ERLEC1: variants seen among roughly 807,000 people sequenced by gnomAD.
ERLEC1 encodes ER lectin.
In ERLEC1, 47 loss-of-function variants were observed where a neutral mutation model predicts 68.0. The ratio of observed to expected loss-of-function variants is 0.69; its 90% CI spans 0.55 to 0.88. The LOEUF (loss-of-function observed/expected upper bound fraction) is 0.88, where lower values mean the gene tolerates loss of function less well. Among genes scored for constraint, ERLEC1 ranks in the 40% least tolerant of loss-of-function variants. The pLI is 0.00. For synonymous variants in ERLEC1, 225 were observed against 203.2 expected (o/e 1.11, Z -0.91); for missense variants, 567 against 583.8 (o/e 0.97, Z 0.30).
At chr2:53,811,256 T>C (rs1318644521) in intron 10 of ERLEC1, among the ~76,000 whole-genome samples, 3 of 152,236 alleles carry the variant, frequency 2.0e-5, no homozygotes, top group East Asian at 1.9e-4. Flanking sequence ...TTAAGTTGTT[T>C]CCAGTTTTTG....
intron 13 of ERLEC1, 60 bp downstream of exon 13, chr2:53,814,995 CTTTTTTTTTTTTTTTTTTTTTG>C: frequency 2.1e-6 from 1 of 467,766 alleles, no homozygotes. Context: ...ATTTTTTTTT[CTTTTTTTTTTTTTTTTTTTTTG>C]TTTTTTTGAG....
At chr2:53,798,173 C>A (rs941345224) in intron 5 of ERLEC1, among the ~76,000 whole-genome samples, 1 of 152,228 alleles carries the variant, frequency 6.6e-6, no homozygotes, top group Non-Finnish European at 1.5e-5. Flanking sequence ...CCAGCCTGGG[C>A]AACAGAGTGA....
At chr2:53,805,256 C>G (rs1676226344) in intron 8 of ERLEC1, among the ~76,000 whole-genome samples, 1 of 152,092 alleles carries the variant, frequency 6.6e-6, no homozygotes, top group South Asian at 2.1e-4. Flanking sequence ...CTCCTGACCT[C>G]AGATGATCCA....
chr2:53,816,091 A>C (rs888322361), intron 13 of ERLEC1, among the ~76,000 whole-genome samples: 45 of 151,860 alleles, frequency 3.0e-4, no homozygotes, highest in African/African-American at 1.0e-3. Context: ...TTGCCTCCCA[A>C]AGTGCAGGGA....
In ERLEC1 at chr2:53,812,980, T is replaced by G; in HGVS notation, c.1133T>G (p.Val378Gly). Residue 378 changes from valine to glycine, a missense_variant, in exon 11 of 14, where the codon GTC (valine) becomes GGC (glycine). Coordinates refer to ENST00000185150, the MANE Select transcript of ERLEC1 (RefSeq NM_015701.5). ...DKDSGKTSVV[V>G]GTWNQEEHIE... The stretch of plus-strand genomic sequence containing the variant: ...GATAGTGGGAAAACCTCTGTGGTTG[T>G]CGGGACATGGAACCAAGAAGAGCAT... The G allele has an allele frequency of 6.2e-7, 1 of 1,613,400 alleles. No individual in the cohort carries two copies. Among genetic ancestry groups the G allele is most frequent in the Non-Finnish European group, 8.5e-7 (1 of 1,179,870 alleles).
intron 8 of ERLEC1, among the ~76,000 whole-genome samples, chr2:53,804,627 T>C (rs1242454592): frequency 2.0e-5 from 3 of 152,186 alleles, no homozygotes; most frequent in Admixed American, 6.5e-5. Context: ...AATCACATCT[T>C]GGAGAATGAG....
intron 5 of ERLEC1, among the ~76,000 whole-genome samples, chr2:53,798,187 T>G (rs994244830): frequency 2.6e-5 from 4 of 152,040 alleles, no homozygotes; most frequent in African/African-American, 9.7e-5. Context: ...AGAGTGAGAC[T>G]CCATTTCAAA....
chr2:53,797,647 A>T, intron 4 of ERLEC1, 55 bp downstream of exon 4: 1 of 1,568,802 alleles, frequency 6.4e-7, no homozygotes, highest in Non-Finnish European at 8.7e-7. Flanking sequence ...GAACTTTAAT[A>T]ATGAGATTGA....
In ERLEC1 at chr2:53,808,317, AAAG is replaced by A. The variant is rs778690222; in HGVS notation, c.903_905del (p.Glu302del). On this transcript the variant is annotated inframe_deletion, in exon 9 of 14. Transcript: ENST00000185150. The stretch of plus-strand genomic sequence containing the variant: ...ATTTTAGGAAGATTTGCAATCAACT[AAAG>A]AAGAGAGATTTCCAGCGATCCACAA... 112 of 1,613,848 alleles carry A rather than the reference AAAG, an allele frequency of 6.9e-5. No homozygotes were observed. Among genetic ancestry groups the A allele is most frequent in the Middle Eastern group, 1.6e-4 (1 of 6,084 alleles).
chr2:53,810,837 T>C (rs1354201790), intron 10 of ERLEC1, among the ~76,000 whole-genome samples: 1 of 152,228 alleles, frequency 6.6e-6, no homozygotes, highest in African/African-American at 2.4e-5. Context: ...CCTGCTACTT[T>C]GCAGATGTTT....
Position 53,794,422 on chromosome 2 carries a change from A to G in ERLEC1, c.240A>G (p.Ile80Met). 6.3e-7 allele frequency: 1 copy of G among 1,576,148 alleles called. No individual in the cohort carries two copies. The highest frequency in any genetic ancestry group is 8.7e-7 in the Non-Finnish European group (1 of 1,153,786). The stretch of plus-strand genomic sequence containing the variant: ...CACATAAAGAAAAATATAAATGCAT[A>G]CTTCCCCTTGTGACAAGTGGGGATG... ...TTAHKEKYKC[I>M]LPLVTSGDEE... The change falls in exon 2 of 14, where the codon ATA becomes ATG. Residue 80 changes from isoleucine to methionine, a missense_variant. Physicochemically the swap from Ile to Met is conservative, Grantham distance 10. Coordinates refer to ENST00000185150, the MANE Select transcript of ERLEC1 (RefSeq NM_015701.5).
rs1418822357 is a variant in ERLEC1, at chr2:53,801,563, C to T, written c.692C>T (p.Thr231Ile). Residue 231 changes from threonine to isoleucine, a missense_variant, in exon 7 of 14, where the codon ACT (threonine) becomes ATT (isoleucine). Coordinates refer to ENST00000185150, the MANE Select transcript of ERLEC1 (RefSeq NM_015701.5). Reference sequence around the variant, plus strand: ...ATTCTTTCAGTAGCTGAAGTTACAACTTGTGAATATGAAGTTGTCATTTTG... The same window carrying T: ...ATTCTTTCAGTAGCTGAAGTTACAATTTGTGAATATGAAGTTGTCATTTTG... ...HEILSVAEVT[T>I]CEYEVVILTP... 1.9e-6 allele frequency: 3 copies of T among 1,614,094 alleles called. No homozygotes were observed. Among genetic ancestry groups the T allele is most frequent in the South Asian group, 2.2e-5 (2 of 91,082 alleles).
intron 8 of ERLEC1, among the ~76,000 whole-genome samples, chr2:53,805,128 T>C (rs1421487321): frequency 6.6e-6 from 1 of 151,370 alleles, no homozygotes; most frequent in Non-Finnish European, 1.5e-5. Context: ...TTTCAAGTGA[T>C]TCTCCTGCCT....
At chr2:53,803,290 A>G (rs1467470841) in intron 8 of ERLEC1, among the ~76,000 whole-genome samples, 11 of 152,214 alleles carry the variant, frequency 7.2e-5, no homozygotes, top group Non-Finnish European at 1.6e-4. Flanking sequence ...AAATGTGATT[A>G]ATTCCACAGT....
At chr2:53,792,927 C>G (rs1311300095) in intron 1 of ERLEC1, among the ~76,000 whole-genome samples, 1 of 151,672 alleles carries the variant, frequency 6.6e-6, no homozygotes, top group Non-Finnish European at 1.5e-5. Context: ...GGAGGATCAC[C>G]TGAGTCCAGG....
At chr2:53,816,265 GTT>G (rs57918616) in intron 13 of ERLEC1, among the ~76,000 whole-genome samples, 20,063 of 121,722 alleles carry the variant, frequency 0.16, 1,703 homozygotes, top group African/African-American at 0.3. Flanking sequence ...GTTTTGGTTG[GTT>G]TTTTTTTTTT....
chr2:53,814,863 C>T lies in ERLEC1; in HGVS notation c.1308C>T (p.Cys436=), dbSNP rs1558608429. ...KPRQVTVKLK[C]KESDSPHAVT... ...CTTAAAGTGCTCTCTGTTTTAGGTG[C>T]AAAGAATCAGATTCACCTCATGCTG... The change falls in exon 13 of 14, where the codon TGC becomes TGT. Residue 436 remains cysteine (C), a synonymous_variant. Coordinates refer to ENST00000185150, the MANE Select transcript of ERLEC1 (RefSeq NM_015701.5). 6 of 1,605,014 alleles carry T rather than the reference C, an allele frequency of 3.7e-6. No homozygotes were observed. Among genetic ancestry groups the T allele is most frequent in the Non-Finnish European group, 5.1e-6 (6 of 1,173,478 alleles).
chr2:53,805,720 C>G (rs1315902074), intron 8 of ERLEC1, among the ~76,000 whole-genome samples: 1 of 152,152 alleles, frequency 6.6e-6, no homozygotes, highest in East Asian at 1.9e-4. Context: ...TGAGAAAGCT[C>G]CAGACTGTTC....
At position 53,808,441 on chromosome 2, in the gene ERLEC1, G is replaced by T; in HGVS notation, c.1022G>T (p.Gly341Val). The change falls in exon 9 of 14, where the codon GGT (glycine) becomes GTT (valine). Residue 341 changes from glycine to valine, a missense_variant. Transcript: ENST00000185150. ...CAACTCATAAAAGAGTTTCTTAGTG[G>T]TTCTTACTGCTTTCGTGGGGTGAGA... The part of the protein sequence containing the change: ...DDQLIKEFLS[G>V]SYCFRGGVGW... 1 of 1,613,596 alleles carries T rather than the reference G, an allele frequency of 6.2e-7. No individual in the cohort carries two copies. Among genetic ancestry groups the T allele is most frequent in the Non-Finnish European group, 8.5e-7 (1 of 1,179,942 alleles).
Sources: gnomAD v4.1 joint callset for allele counts (sites outside exome capture counted in the v4.1 genomes callset) on GRCh38, gnomAD v4.1.1 for gene constraint, MANE v1.5 for transcripts, NCBI Gene and HGNC (gene_info 2026-07-23, HGNC 2026-07-21) for gene names.